Variants in VPS8 observed in about 807,000 individuals in gnomAD.
VPS8 encodes VPS8 subunit of CORVET complex, also known as vacuolar protein sorting-associated protein 8 homolog.
In VPS8, 129 loss-of-function variants were observed where a neutral mutation model predicts 216.4. The observed-to-expected ratio is 0.60, with a 90% CI of 0.52 to 0.69. The LOEUF is 0.69. Among genes scored for constraint, VPS8 ranks in the 30% least tolerant of loss-of-function variants. The pLI, the probability that VPS8 is intolerant of heterozygous loss-of-function variation, is 0.00. For missense variants in VPS8, 1,531 were observed against 1,683.5 expected (o/e 0.91, Z 1.59); for synonymous variants, 571 against 565.4 (o/e 1.01, Z -0.14).
rs1162017001 is a variant in VPS8 at position 184,900,964 on chromosome 3, C to G, written c.2138C>G (p.Thr713Arg). 6.2e-7 allele frequency: 1 copy of G among 1,605,178 alleles called. No homozygotes were observed. The highest frequency in any genetic ancestry group is 8.5e-7 in the Non-Finnish European group (1 of 1,178,022). The change falls in exon 25 of 48, where the codon ACA (threonine) becomes AGA (arginine). Residue 713 changes from threonine to arginine, a missense_variant. Around this residue, in one of 3 missense-constraint regions of VPS8, gnomAD observed 1,318 missense variants for 1,468.4 expected, o/e 0.90. Coordinates refer to ENST00000625842, the MANE Select transcript of VPS8 (RefSeq NM_001009921.3). ...GCTCCTCCTCTGAATGCAGGAAAAA[C>G]ACTAACAGGTATTTATTTTCTAAGC... ...VIAPPLNAGKTLTDEQVVMGN... is the reference protein window; with the variant it reads ...VIAPPLNAGKRLTDEQVVMGN...
intron 22 of VPS8, among the ~76,000 whole-genome samples, chr3:184,887,419 T>TC (rs1731486797): frequency 6.6e-6 from 1 of 152,124 alleles, no homozygotes. Flanking sequence ...CTTTTTTTTT[T>TC]CCACACTAAT....
At chr3:185,009,090 T>C (rs904433324) in intron 45 of VPS8, among the ~76,000 whole-genome samples, 1 of 152,258 alleles carries the variant, frequency 6.6e-6, no homozygotes. Context: ...TTTCCAGAGC[T>C]GTATAGCAGT....
At chr3:185,022,594 C>A (rs1019020321) in intron 45 of VPS8, among the ~76,000 whole-genome samples, 3 of 152,158 alleles carry the variant, frequency 2.0e-5, no homozygotes, top group African/African-American at 7.2e-5. Context: ...AAATTATTCA[C>A]AAAAGGTTCT....
intron 7 of VPS8, among the ~76,000 whole-genome samples, chr3:184,842,084 A>G (rs1193409568): frequency 6.7e-6 from 1 of 150,222 alleles, no homozygotes; most frequent in Non-Finnish European, 1.5e-5. Flanking sequence ...TGTCAATGTT[A>G]TAAGAATATG....
chr3:185,019,449 T>G (rs1756325100), intron 45 of VPS8, among the ~76,000 whole-genome samples: 1 of 152,164 alleles, frequency 6.6e-6, no homozygotes, highest in South Asian at 2.1e-4. Context: ...ACCTACATAT[T>G]TATTGACAGC....
At chr3:184,854,033 A>G (rs1234628753) in intron 12 of VPS8, 23 bp downstream of exon 12, 1 of 1,612,728 alleles carries the variant, frequency 6.2e-7, no homozygotes, top group Non-Finnish European at 8.5e-7. Flanking sequence ...AGAAGTTAAA[A>G]CTCAGAACTT....
At chr3:184,897,819 A>G (rs985974844) in intron 23 of VPS8, among the ~76,000 whole-genome samples, 8 of 152,110 alleles carry the variant, frequency 5.3e-5, no homozygotes, top group African/African-American at 1.4e-4. Context: ...AGAGTACTGT[A>G]TACTCAAACT....
At chr3:184,867,013 A>T in intron 17 of VPS8, 63 bp downstream of exon 17, 1 of 1,505,076 alleles carries the variant, frequency 6.6e-7, no homozygotes, top group South Asian at 1.2e-5. Context: ...GCTGAAGGAG[A>T]TTGCTGGTAA....
chr3:184,870,733 C>G lies in VPS8; in HGVS notation c.1662C>G (p.Phe554Leu), dbSNP rs932273454. 6.2e-7 allele frequency: 1 copy of G among 1,611,786 alleles called. No individual in the cohort carries two copies. Among genetic ancestry groups the G allele is most frequent in the Non-Finnish European group, 8.5e-7 (1 of 1,178,910 alleles). The change falls in exon 21 of 48, where the codon TTC (phenylalanine) becomes TTG (leucine). Residue 554 changes from phenylalanine to leucine, a missense_variant. By Grantham distance (22) the Phe-to-Leu change is conservative (BLOSUM62 0). Transcript: ENST00000625842. Reference sequence around the variant, plus strand: ...CCTTACAGATGGTAGAAATCCTATTCCATTATGCAGATCGAGCTCTGAAAA... The same window carrying G: ...CCTTACAGATGGTAGAAATCCTATTGCATTATGCAGATCGAGCTCTGAAAA... ...IVADRMVEIL[F>L]HYADRALKKC...
Position 184,813,054 on chromosome 3 carries a change from G to A in VPS8, c.-89+829G>A, listed in dbSNP as rs561852426. Among the ~76,000 whole-genome samples the A allele has an allele frequency of 2.2e-3, 337 of 152,284 alleles. 1 individual carries two copies. Among genetic ancestry groups the A allele is most frequent in the African/African-American group, 7.8e-3 (325 of 41,554 alleles). On this transcript the variant is annotated intron_variant, in intron 1 of 47. Transcript: ENST00000625842. ...TTTGTGCTTGGCATCTGGGGAAGGA[G>A]GGAAACAGCTGCTCAGAGTGTCTGG... is the stretch of plus-strand genomic sequence containing the variant.
At position 185,014,251 on chromosome 3, in the gene VPS8, A is replaced by G. The variant is rs144943443; in HGVS notation, c.4003-10085A>G. 4.4e-3 allele frequency among the ~76,000 whole-genome samples: 673 copies of G among 152,220 alleles called. 5 individuals are homozygous for G. Among genetic ancestry groups the G allele is most frequent in the African/African-American group, 0.015 (629 of 41,536 alleles). On this transcript the variant is annotated intron_variant, in intron 45 of 47. Transcript: ENST00000625842. ...TCTTGCTTTCCTCAGGTTTTCTTCC[A>G]CCATCTGTGACAGCTTCTTGATCTG...
intron 28 of VPS8, 54 bp downstream of exon 28, chr3:184,915,528 T>C (rs1578222393): frequency 6.3e-7 from 1 of 1,575,244 alleles, no homozygotes; most frequent in East Asian, 2.3e-5. Flanking sequence ...GCAATAATTT[T>C]TTGGCGGGGT....
chr3:184,936,811 C>T (rs1401501542), intron 35 of VPS8, among the ~76,000 whole-genome samples: 3 of 151,476 alleles, frequency 2.0e-5, no homozygotes, highest in Non-Finnish European at 4.4e-5. Flanking sequence ...GATCTCCACT[C>T]ATTGCGAGCT....
chr3:184,836,308 C>A (rs73051353), intron 5 of VPS8: 1 of 456,648 alleles, frequency 2.2e-6, no homozygotes, highest in South Asian at 1.5e-5. Context: ...ATTTCCATGA[C>A]GTTTTCTGAA....
chr3:184,922,564 G>A (rs1315244696), intron 29 of VPS8: 2 of 351,558 alleles, frequency 5.7e-6, no homozygotes, highest in Admixed American at 3.5e-5. Context: ...AGCTCCGTAA[G>A]TATTTGACTA....
intron 40 of VPS8, among the ~76,000 whole-genome samples, chr3:184,972,291 G>A (rs1577027328): frequency 6.6e-6 from 1 of 152,140 alleles, no homozygotes; most frequent in East Asian, 1.9e-4. Context: ...CAAAACTTAA[G>A]GTGCATGAAT....
chr3:184,962,667 A>G (rs1746719461), intron 37 of VPS8, among the ~76,000 whole-genome samples: 1 of 151,530 alleles, frequency 6.6e-6, no homozygotes, highest in Non-Finnish European at 1.5e-5. Flanking sequence ...ATTATGGCAC[A>G]TCATTTAACT....
intron 5 of VPS8, among the ~76,000 whole-genome samples, chr3:184,837,475 C>A (rs1721316301): frequency 6.6e-6 from 1 of 152,156 alleles, no homozygotes; most frequent in African/African-American, 2.4e-5. Flanking sequence ...GCAAATCAGT[C>A]ATTTATTAAC....
chr3:184,897,609 A>G (rs1390195821), intron 23 of VPS8, among the ~76,000 whole-genome samples: 1 of 152,128 alleles, frequency 6.6e-6, no homozygotes, highest in African/African-American at 2.4e-5. Flanking sequence ...ATGCATGATC[A>G]TGGTACTGGC....
Sources: allele counts gnomAD v4.1 joint callset (sites outside exome capture counted in the v4.1 genomes callset), GRCh38; gene constraint gnomAD v4.1.1; regional missense constraint gnomAD v4.1.1; transcripts MANE v1.5; gene names NCBI Gene and HGNC (gene_info 2026-07-23, HGNC 2026-07-21).